Variants in RIMBP2 observed in about 807,000 individuals in gnomAD.
RIMBP2 encodes RIMS binding protein 2, also known as RIMS-binding protein 2.
A neutral mutation model predicts 118.6 loss-of-function variants in RIMBP2; 48 were observed. The ratio of observed to expected loss-of-function variants is 0.40; its 90% CI spans 0.32 to 0.51. The LOEUF is 0.51. RIMBP2 is among the 20% of genes least tolerant of loss of function. RIMBP2 has a pLI of 0.41. For synonymous variants in RIMBP2, 762 were observed against 742.9 expected (o/e 1.03, Z -0.42); for missense variants, 1,551 against 1,768.3 (o/e 0.88, Z 2.20).
chr12:130,576,302 A>G lies in RIMBP2; in HGVS notation c.-217+52020T>C, dbSNP rs1013743561. Reference sequence around the variant, plus strand: ...AACAGGAACGGAGAGTTTCATGACCATAGACATGGGCATTTGCTTCCAAGA... The same window carrying G: ...AACAGGAACGGAGAGTTTCATGACCGTAGACATGGGCATTTGCTTCCAAGA... On this transcript the variant is annotated intron_variant, in intron 2 of 22. Coordinates refer to ENST00000690449, the MANE Select transcript of RIMBP2 (RefSeq NM_001393629.1). This position sits in a 1 kb window ranked among gnomAD's most constrained non-coding sequence, Gnocchi z 4.2. 6.6e-6 allele frequency among the ~76,000 whole-genome samples: 1 copy of G among 152,184 alleles called. No homozygotes were observed. The highest frequency in any genetic ancestry group is 2.4e-5 in the African/African-American group (1 of 41,448).
chr12:130,610,100 A>G (rs1019869444), intron 2 of RIMBP2, among the ~76,000 whole-genome samples: 1 of 150,662 alleles, frequency 6.6e-6, no homozygotes, highest in African/African-American at 2.4e-5. Context: ...TCACGGGGGG[A>G]AAATGGGAAG....
chr12:130,522,805 C>T (rs567783716), intron 2 of RIMBP2, among the ~76,000 whole-genome samples: 4 of 152,118 alleles, frequency 2.6e-5, no homozygotes, highest in Admixed American at 6.5e-5. Context: ...TCCCCAAATT[C>T]GTACTTTGAA....
intron 2 of RIMBP2, among the ~76,000 whole-genome samples, chr12:130,586,615 G>A (rs1460714782): frequency 2.7e-5 from 4 of 148,216 alleles, no homozygotes; most frequent in African/African-American, 1.0e-4. Flanking sequence ...TGGGAAAACT[G>A]GCTAGCCATA....
chr12:130,631,225 C>A lies in RIMBP2; in HGVS notation c.-351-2769G>T, dbSNP rs1361284835. ...TTGAAAATCAGGCTATTAATAACTC[C>A]AGGAAAACTAAAAAGCCATACAACG... On this transcript the variant is annotated intron_variant, in intron 1 of 22. Coordinates refer to ENST00000690449, the MANE Select transcript of RIMBP2 (RefSeq NM_001393629.1). Among the ~76,000 whole-genome samples, 5 of 152,152 alleles carry A rather than the reference C, an allele frequency of 3.3e-5. No individual in the cohort carries two copies. The East Asian group carries it at 9.6e-4, about 29-fold the overall frequency.
intron 2 of RIMBP2, among the ~76,000 whole-genome samples, chr12:130,565,601 G>A (rs933403916): frequency 2.0e-5 from 3 of 152,098 alleles, no homozygotes; most frequent in African/African-American, 7.2e-5. Context: ...ACTATTTCTA[G>A]GATAACCATG....
At chr12:130,468,391 C>T (rs187186866) in intron 6 of RIMBP2, among the ~76,000 whole-genome samples, 42 of 152,300 alleles carry the variant, frequency 2.8e-4, no homozygotes, top group African/African-American at 7.2e-4. Context: ...GGTCCGAGGC[C>T]GGGCCTGAGA....
At chr12:130,679,263 G>A (rs979431131) in intron 1 of RIMBP2, among the ~76,000 whole-genome samples, 3 of 152,146 alleles carry the variant, frequency 2.0e-5, no homozygotes, top group African/African-American at 4.8e-5. Flanking sequence ...ATTCCAGTTC[G>A]CTGGATTTGA....
intron 6 of RIMBP2, among the ~76,000 whole-genome samples, chr12:130,462,348 G>A (rs948950857): frequency 1.5e-4 from 23 of 152,308 alleles, no homozygotes; most frequent in African/African-American, 5.3e-4. Flanking sequence ...CCACCCAGGG[G>A]TGGCCAGTGC....
Position 130,475,971 on chromosome 12 carries a change from A to G in RIMBP2, c.102+2941T>C, listed in dbSNP as rs2081389185. ...GTGGCATCGTCTGGCTTCCGGGTCT[A>G]AACCCGGGAGTTACCACGCAGAGGT... On this transcript the variant is annotated intron_variant, in intron 5 of 22. Transcript: ENST00000690449. The surrounding 1 kb of genome is among the most constrained non-coding windows in gnomAD (Gnocchi z 4.1). Among the ~76,000 whole-genome samples, 1 of 152,028 alleles carries G rather than the reference A, an allele frequency of 6.6e-6. No individual in the cohort carries two copies. The highest frequency in any genetic ancestry group is 2.4e-5 in the African/African-American group (1 of 41,398).
intron 4 of RIMBP2, among the ~76,000 whole-genome samples, chr12:130,490,944 C>T (rs2048583599): frequency 6.6e-6 from 1 of 152,182 alleles, no homozygotes; most frequent in South Asian, 2.1e-4. Flanking sequence ...CACAGCAGCT[C>T]CCGAGCCCCC....
intron 2 of RIMBP2, among the ~76,000 whole-genome samples, chr12:130,553,344 C>T (rs1215475662): frequency 1.3e-5 from 2 of 152,122 alleles, no homozygotes; most frequent in African/African-American, 2.4e-5. Context: ...CTGTGTTAAA[C>T]ACTTTCCCTA....
chr12:130,638,818 G>A (rs983370636), intron 1 of RIMBP2, among the ~76,000 whole-genome samples: 25 of 152,084 alleles, frequency 1.6e-4, no homozygotes, highest in African/African-American at 6.0e-4. Flanking sequence ...GGGAATAACA[G>A]GTAGAACAGG....
intron 1 of RIMBP2, among the ~76,000 whole-genome samples, chr12:130,702,821 G>A (rs894093054): frequency 6.6e-6 from 1 of 152,108 alleles, no homozygotes; most frequent in Non-Finnish European, 1.5e-5. Context: ...TGCACCTTTG[G>A]ACAAGTTGCT....
At chr12:130,580,325 G>T (rs2058382342) in intron 2 of RIMBP2, among the ~76,000 whole-genome samples, 1 of 152,174 alleles carries the variant, frequency 6.6e-6, no homozygotes, top group African/African-American at 2.4e-5. Flanking sequence ...AATCATGGGG[G>T]TGGTTTCCCC....
At position 130,447,665 on chromosome 12, in the gene RIMBP2, T is replaced by G. The variant is rs899212085; in HGVS notation, c.582-2396A>C. On this transcript the variant is annotated intron_variant, in intron 9 of 22. Coordinates refer to ENST00000690449, the MANE Select transcript of RIMBP2 (RefSeq NM_001393629.1). This position sits in a 1 kb window ranked among gnomAD's most constrained non-coding sequence, Gnocchi z 4.4. ...CGGCACACTGCAAGTGGGTGAACTGTGCAGTGAGGACCATCTCTCCGTACA... is the reference window on the plus strand; with the variant it reads ...CGGCACACTGCAAGTGGGTGAACTGGGCAGTGAGGACCATCTCTCCGTACA... Among the ~76,000 whole-genome samples, 9 of 152,106 alleles carry G rather than the reference T, an allele frequency of 5.9e-5. No homozygotes were observed. The highest frequency in any genetic ancestry group is 5.9e-4 in the Admixed American group (9 of 15,290).
intron 1 of RIMBP2, among the ~76,000 whole-genome samples, chr12:130,713,272 A>T (rs7295428): frequency 1.1e-4 from 16 of 140,402 alleles, no homozygotes; most frequent in Non-Finnish European, 2.3e-4. Flanking sequence ...GAAGGAAGGA[A>T]GGACTGAGGA....
At position 130,517,187 on chromosome 12, in the gene RIMBP2, G is replaced by A. The variant is rs75609259; in HGVS notation, c.-127+641C>T. Among the ~76,000 whole-genome samples, 846 of 152,178 alleles carry A rather than the reference G, an allele frequency of 5.6e-3. 12 individuals are homozygous for A. The highest frequency in any genetic ancestry group is 0.019 in the African/African-American group (808 of 41,512). ...TTAATGGACCAGTGGGTTATCAGGGGAGTGGAACTGCTGGCTTAATAAGAA... is the reference window on the plus strand; with the variant it reads ...TTAATGGACCAGTGGGTTATCAGGGAAGTGGAACTGCTGGCTTAATAAGAA... On this transcript the variant is annotated intron_variant, in intron 3 of 22. Coordinates refer to ENST00000690449, the MANE Select transcript of RIMBP2 (RefSeq NM_001393629.1).
At chr12:130,588,137 C>T (rs1322722512) in intron 2 of RIMBP2, among the ~76,000 whole-genome samples, 1 of 152,110 alleles carries the variant, frequency 6.6e-6, no homozygotes, top group African/African-American at 2.4e-5. Flanking sequence ...AATCCAACTC[C>T]TCTCCAATCT....
At chr12:130,580,949 T>TGTG (rs1555298087) in intron 2 of RIMBP2, among the ~76,000 whole-genome samples, 12,273 of 108,468 alleles carry the variant, frequency 0.11, 657 homozygotes, top group Non-Finnish European at 0.17. Flanking sequence ...GTGTGTGTGT[T>TGTG]TGTTTGTGTG....
Sources: allele counts gnomAD v4.1 joint callset (sites outside exome capture counted in the v4.1 genomes callset), GRCh38; gene constraint gnomAD v4.1.1; non-coding constraint Gnocchi (gnomAD v3.1); transcripts MANE v1.5; gene names NCBI Gene and HGNC (gene_info 2026-07-23, HGNC 2026-07-21).